Variants in DZIP1 observed in about 807,000 individuals in gnomAD.
The protein encoded by DZIP1 is DAZ interacting zinc finger protein 1.
DZIP1 carries 97 observed loss-of-function variants against 107.6 expected under a neutral mutation model. The observed-to-expected ratio is 0.90, with a 90% CI of 0.77 to 1.07. DZIP1 has a LOEUF of 1.07. Ranked by LOEUF, DZIP1 falls within the 50% of genes least tolerant of loss-of-function variation. DZIP1 has a pLI of 0.00. For missense variants in DZIP1, 1,035 were observed against 1,063.6 expected, an observed-to-expected ratio of 0.97 and a Z score of 0.37; for synonymous variants, 390 against 386.4, an observed-to-expected ratio of 1.01 and a Z score of -0.11.
chr13:95,624,899 C>T lies in DZIP1; in HGVS notation c.841G>A (p.Asp281Asn), dbSNP rs1566415280. 10 of 1,609,228 alleles carry T rather than the reference C, an allele frequency of 6.2e-6. No individual in the cohort carries two copies. The highest frequency in any genetic ancestry group is 3.3e-4 in the Middle Eastern group (2 of 6,046). The change falls in exon 8 of 23, where the codon GAC becomes AAC. Residue 281 changes from aspartate (D) to asparagine (N), a missense_variant. Physicochemically the swap from Asp to Asn is conservative, Grantham distance 23. Transcript: ENST00000376829. ...CACCTGTCAAATAACTTCAAAAAGT[C>T]TTCCTCTTTTGTTTTCTGCATTTCA... ...EYEMQKTKEE[D>N]FLKLFDRWKE...
intron 9 of DZIP1, 100 bp downstream of exon 9, chr13:95,622,243 A>G (rs2139265251): frequency 1.3e-6 from 2 of 1,495,540 alleles, no homozygotes; most frequent in South Asian, 2.4e-5. Context: ...CAGGGTTACT[A>G]AAAAAGACAA....
At chr13:95,635,001 T>G (rs953398543) in intron 5 of DZIP1, among the ~76,000 whole-genome samples, 8 of 152,128 alleles carry the variant, frequency 5.3e-5, no homozygotes, top group African/African-American at 1.9e-4. Context: ...TCCACCTCTT[T>G]TTTTTCCTTG....
chr13:95,588,687 G>T (rs577938448), intron 19 of DZIP1, among the ~76,000 whole-genome samples: 5 of 152,264 alleles, frequency 3.3e-5, no homozygotes, highest in South Asian at 2.1e-4. Flanking sequence ...GTAGCACACA[G>T]GTGATGAACA....
Position 95,593,924 on chromosome 13 carries a change from C to CCAAAAATGAATGA in DZIP1, c.1680+7_1680+19dup. Reference sequence around the variant, plus strand: ...AAACACAGCAAAACTAACAAATATTCCAAAAATGAATGAACATACTGCATT... The same window carrying CCAAAAATGAATGA: ...AAACACAGCAAAACTAACAAATATTCCAAAAATGAATGACAAAAATGAATGAACATACTGCATT... On this transcript the variant is annotated intron_variant, in intron 16 of 22. Transcript: ENST00000376829. The CCAAAAATGAATGA allele has an allele frequency of 6.3e-7, 1 of 1,579,596 alleles. No homozygotes were observed. Among genetic ancestry groups the CCAAAAATGAATGA allele is most frequent in the South Asian group, 1.2e-5 (1 of 84,368 alleles).
rs1335194962 is a variant in DZIP1, at chr13:95,624,876, C to A, written c.864G>T (p.Arg288Ser). Reference sequence around the variant, plus strand: ...GTTTCTCCTTTTCTTCTTCTTTCCACCTGTCAAATAACTTCAAAAAGTCTT... The same window carrying A: ...GTTTCTCCTTTTCTTCTTCTTTCCAACTGTCAAATAACTTCAAAAAGTCTT... ...KEEDFLKLFDRWKEEEKEKLV... is the reference protein window; with the variant it reads ...KEEDFLKLFDSWKEEEKEKLV... The change falls in exon 8 of 23, where the codon AGG (arginine) becomes AGT (serine). Residue 288 changes from arginine (R) to serine (S), a missense_variant. By Grantham distance (110) the Arg-to-Ser change is moderately radical (BLOSUM62 -1). Coordinates refer to ENST00000376829, the MANE Select transcript of DZIP1 (RefSeq NM_198968.4). 1 of 1,612,642 alleles carries A rather than the reference C, an allele frequency of 6.2e-7. No homozygotes were observed. Among genetic ancestry groups the A allele is most frequent in the Admixed American group, 1.7e-5 (1 of 59,890 alleles).
At chr13:95,642,307 AC>A in intron 3 of DZIP1, 66 bp from the exon 4 acceptor site, 1 of 392,966 alleles carries the variant, frequency 2.5e-6, no homozygotes, top group Non-Finnish European at 4.5e-6. Flanking sequence ...CGAAGAGGGT[AC>A]CTCCTGGGTA....
chr13:95,600,175 G>C (rs1302094152), intron 14 of DZIP1, among the ~76,000 whole-genome samples: 1 of 152,158 alleles, frequency 6.6e-6, no homozygotes, highest in Non-Finnish European at 1.5e-5. Flanking sequence ...CCAACTGAAG[G>C]AAATTTCCTT....
intron 10 of DZIP1, among the ~76,000 whole-genome samples, chr13:95,614,835 A>C (rs1043358249): frequency 1.3e-5 from 2 of 152,188 alleles, no homozygotes; most frequent in African/African-American, 4.8e-5. Flanking sequence ...AATGTTATTT[A>C]AAACAAAAAA....
At chr13:95,587,100 T>C (rs1357189441) in intron 20 of DZIP1, among the ~76,000 whole-genome samples, 2 of 152,190 alleles carry the variant, frequency 1.3e-5, no homozygotes, top group Non-Finnish European at 2.9e-5. Context: ...AATGTCCTTA[T>C]ACAAACGAGA....
In DZIP1 at chr13:95,619,926, C is replaced by T. The variant is rs201661493; in HGVS notation, c.1132G>A (p.Val378Ile). 1.2e-6 allele frequency: 2 copies of T among 1,613,848 alleles called. No homozygotes were observed. Among genetic ancestry groups the T allele is most frequent in the Non-Finnish European group, 1.7e-6 (2 of 1,179,950 alleles). ...DSQESKWTAR[V>I]QAIHQEHKKE... Reference sequence around the variant, plus strand: ...TTGTGTTCTTGATGAATAGCTTGAACTCGAGCTGTCCATTTGCTTTCCTAC... The same window carrying T: ...TTGTGTTCTTGATGAATAGCTTGAATTCGAGCTGTCCATTTGCTTTCCTAC... Residue 378 changes from valine to isoleucine, a missense_variant, in exon 10 of 23, where the codon GTT (valine) becomes ATT (isoleucine). Coordinates refer to ENST00000376829, the MANE Select transcript of DZIP1 (RefSeq NM_198968.4).
intron 9 of DZIP1, among the ~76,000 whole-genome samples, chr13:95,621,665 A>AGTGTGTGTGT (rs3051402): frequency 0.011 from 1,312 of 123,394 alleles, 11 homozygotes; most frequent in Non-Finnish European, 0.015. Flanking sequence ...ACCAGTTAGC[A>AGTGTGTGTGT]GTGTGTGTGT....
chr13:95,598,208 T>C (rs2044513056), intron 15 of DZIP1, among the ~76,000 whole-genome samples: 1 of 152,130 alleles, frequency 6.6e-6, no homozygotes, highest in Non-Finnish European at 1.5e-5. Flanking sequence ...AAGGAGGAAA[T>C]GAAGCAACTA....
At chr13:95,626,692 A>G (rs955698004) in intron 7 of DZIP1, among the ~76,000 whole-genome samples, 1 of 152,242 alleles carries the variant, frequency 6.6e-6, no homozygotes, top group South Asian at 2.1e-4. Context: ...TACAAGGTCA[A>G]CATGCAAAAA....
At chr13:95,601,674 G>T (rs570243864) in intron 14 of DZIP1, among the ~76,000 whole-genome samples, 8 of 152,290 alleles carry the variant, frequency 5.3e-5, no homozygotes, top group African/African-American at 1.9e-4. Flanking sequence ...CAGCTTAGGG[G>T]TGGGCTGTGA....
chr13:95,630,670 G>A lies in DZIP1; in HGVS notation c.686-557C>T, dbSNP rs573772440. On this transcript the variant is annotated intron_variant, in intron 6 of 22. Coordinates refer to ENST00000376829, the MANE Select transcript of DZIP1 (RefSeq NM_198968.4). ...GTGAGGTACTGAAAAGTTGTAAAAG[G>A]AAGCAACAAGTGAAAGGAAGAATAC... The A allele has an allele frequency of 5.1e-6, 6 of 1,183,098 alleles. No individual in the cohort carries two copies. In the South Asian group the frequency reaches 7.9e-5, roughly 16 times the overall value. The allele number at this position is 1,183,098 out of a possible 1,614,324, so 73.3% of individuals were successfully genotyped here.
At chr13:95,593,421 G>A (rs1432061157) in intron 16 of DZIP1, among the ~76,000 whole-genome samples, 3 of 152,116 alleles carry the variant, frequency 2.0e-5, no homozygotes, top group Non-Finnish European at 2.9e-5. Context: ...TAAGATTTGT[G>A]TCTTTTATGT....
chr13:95,606,398 C>T (rs2044779398), intron 13 of DZIP1, among the ~76,000 whole-genome samples: 2 of 152,162 alleles, frequency 1.3e-5, no homozygotes, highest in Admixed American at 1.3e-4. Context: ...ATTTCTGCCC[C>T]TTCCCTATCC....
Position 95,594,101 on chromosome 13 carries a change from TA to T in DZIP1, c.1538-16del, listed in dbSNP as rs763404135. Reference sequence around the variant, plus strand: ...ATTTTCCCTTCCTGAAATAAGGTTTTAAAAATGTGTTAAAAAAAGAATTAAG... The same window carrying T: ...ATTTTCCCTTCCTGAAATAAGGTTTTAAAATGTGTTAAAAAAAGAATTAAG... On this transcript the variant is annotated splice_polypyrimidine_tract_variant and intron_variant, in intron 15 of 22. Transcript: ENST00000376829. 2 of 1,578,054 alleles carry T rather than the reference TA, an allele frequency of 1.3e-6. No individual in the cohort carries two copies. The highest frequency in any genetic ancestry group is 2.3e-5 in the South Asian group (2 of 85,590).
chr13:95,630,773 G>A (rs1393657585), intron 6 of DZIP1: 2 of 1,287,048 alleles, frequency 1.6e-6, no homozygotes, highest in Admixed American at 2.3e-5. Context: ...GACATGAAAG[G>A]TATGGAAACC....
Sources: allele counts gnomAD v4.1 joint callset (sites outside exome capture counted in the v4.1 genomes callset), GRCh38; gene constraint gnomAD v4.1.1; transcripts MANE v1.5; gene names NCBI Gene and HGNC (gene_info 2026-07-23, HGNC 2026-07-21).